Variants in DLG2 observed in about 807,000 individuals in gnomAD.
DLG2 encodes disks large homolog 2.
DLG2 carries 45 observed loss-of-function variants against 132.5 expected under a neutral mutation model. The ratio of observed to expected loss-of-function variants is 0.34; its 90% confidence interval spans 0.27 to 0.44. The LOEUF is 0.44. Ranked by LOEUF, DLG2 falls within the 20% of genes least tolerant of loss-of-function variation. The pLI, the probability that DLG2 is intolerant of heterozygous loss-of-function variation, is 1.00. For missense variants in DLG2, 1,045 were observed against 1,196.9 expected (o/e 0.87, Z 1.87); for synonymous variants, 424 against 419.6 (o/e 1.01, Z -0.13).
intron 3 of DLG2, among the ~76,000 whole-genome samples, chr11:85,501,537 A>C (rs1229875157): frequency 6.6e-6 from 1 of 152,214 alleles, no homozygotes; most frequent in Non-Finnish European, 1.5e-5. Context: ...AAGGGCTAAT[A>C]CCCAGAATCT....
At chr11:83,713,091 A>G (rs2085862820) in intron 18 of DLG2, among the ~76,000 whole-genome samples, 1 of 152,230 alleles carries the variant, frequency 6.6e-6, no homozygotes. Context: ...GCAGATTATC[A>G]TATTAGTTAC....
chr11:85,097,556 G>A (rs1019511954), intron 6 of DLG2, among the ~76,000 whole-genome samples: 1 of 152,168 alleles, frequency 6.6e-6, no homozygotes, highest in African/African-American at 2.4e-5. Context: ...GTTTAACAAA[G>A]GTTGCAATGA....
chr11:84,045,532 AC>A (rs2096223442), intron 11 of DLG2, among the ~76,000 whole-genome samples: 1 of 151,742 alleles, frequency 6.6e-6, no homozygotes, highest in Non-Finnish European at 1.5e-5. Flanking sequence ...CTTGACATGA[AC>A]CAACAAAAAG....
chr11:85,463,989 T>TACACACAC (rs374003945), intron 3 of DLG2, among the ~76,000 whole-genome samples: 134 of 139,410 alleles, frequency 9.6e-4, no homozygotes, highest in African/African-American at 3.2e-3. Context: ...GACATACATG[T>TACACACAC]ACACACACAC....
At chr11:83,571,316 T>C (rs2096792275) in intron 19 of DLG2, among the ~76,000 whole-genome samples, 1 of 150,214 alleles carries the variant, frequency 6.7e-6, no homozygotes, top group Admixed American at 6.8e-5. Context: ...CAAAGAATAA[T>C]ATATTAAGAA....
intron 6 of DLG2, among the ~76,000 whole-genome samples, chr11:85,004,082 G>A (rs2058436218): frequency 6.6e-6 from 1 of 152,132 alleles, no homozygotes; most frequent in Non-Finnish European, 1.5e-5. Flanking sequence ...ACTATTCCAT[G>A]GTCTATATGT....
intron 19 of DLG2, chr11:83,632,942 A>G (rs574981348): frequency 2.4e-4 from 97 of 397,882 alleles, no homozygotes; most frequent in African/African-American, 1.9e-3. Context: ...GTTTCTTCTC[A>G]TTATTTTTAT....
intron 7 of DLG2, among the ~76,000 whole-genome samples, chr11:84,276,696 A>G (rs374709602): frequency 1.3e-5 from 2 of 152,186 alleles, no homozygotes; most frequent in African/African-American, 4.8e-5. Flanking sequence ...ACATCTAAAT[A>G]TGTCACGATG....
Position 83,535,794 on chromosome 11 carries a change from A to G in DLG2, c.2118-3011T>C, listed in dbSNP as rs188303678. Among the ~76,000 whole-genome samples, 8 of 152,326 alleles carry G rather than the reference A, an allele frequency of 5.3e-5. No homozygotes were observed. In the East Asian group the frequency reaches 1.5e-3, roughly 29 times the overall value. The stretch of plus-strand genomic sequence containing the variant: ...TAAGTGGCTGCTGAAGTTGCAACAT[A>G]TAATTATTAATAAAGTTCCTTCACA... On this transcript the variant is annotated intron_variant, in intron 20 of 27. Transcript: ENST00000376104.
intron 6 of DLG2, among the ~76,000 whole-genome samples, chr11:84,666,699 A>G (rs1565605079): frequency 6.6e-6 from 1 of 152,064 alleles, no homozygotes; most frequent in Non-Finnish European, 1.5e-5. Flanking sequence ...TAATTACATA[A>G]ACACATTTTT....
At chr11:83,661,326 A>G (rs1484010983) in intron 18 of DLG2, among the ~76,000 whole-genome samples, 2 of 152,210 alleles carry the variant, frequency 1.3e-5, no homozygotes, top group East Asian at 3.8e-4. Context: ...CTATTTATAT[A>G]GTTGTTATGG....
At chr11:83,850,851 A>G (rs41369951) in intron 16 of DLG2, among the ~76,000 whole-genome samples, 3,473 of 152,262 alleles carry the variant, frequency 0.023, 103 homozygotes, top group East Asian at 0.079. Flanking sequence ...TACACTCTGC[A>G]TTATGTGTTG....
At chr11:84,278,320 G>T (rs2097806032) in intron 7 of DLG2, among the ~76,000 whole-genome samples, 1 of 151,934 alleles carries the variant, frequency 6.6e-6, no homozygotes, top group African/African-American at 2.4e-5. Context: ...AGCTATTAAA[G>T]ATATTTGTAA....
chr11:84,255,030 G>A (rs1016750883), intron 7 of DLG2, among the ~76,000 whole-genome samples: 16 of 152,162 alleles, frequency 1.1e-4, no homozygotes, highest in African/African-American at 2.7e-4. Flanking sequence ...GCTCTCTGAA[G>A]ACTCTCCCAC....
At chr11:85,586,536 T>C (rs1309843071) in intron 3 of DLG2, among the ~76,000 whole-genome samples, 1 of 152,218 alleles carries the variant, frequency 6.6e-6, no homozygotes, top group Non-Finnish European at 1.5e-5. Flanking sequence ...TGTATTTCCG[T>C]GGTATCAGTT....
chr11:83,896,995 C>G (rs1300334299), intron 15 of DLG2, among the ~76,000 whole-genome samples: 1 of 152,148 alleles, frequency 6.6e-6, no homozygotes, highest in Non-Finnish European at 1.5e-5. Context: ...AAGTTTTCAT[C>G]TGATTCCATA....
At position 84,635,767 on chromosome 11, in the gene DLG2, A is replaced by C. The variant is rs182722756; in HGVS notation, c.358-101036T>G. Among the ~76,000 whole-genome samples, 3 of 152,220 alleles carry C rather than the reference A, an allele frequency of 2.0e-5. No individual in the cohort carries two copies. The East Asian group carries it at 5.8e-4, about 29-fold the overall frequency. ...AGATGAGGAAAGTAAAGCTGAGAGA[A>C]GTTAAGAAACCTCCTCCCACCAAGA... On this transcript the variant is annotated intron_variant, in intron 6 of 27. Transcript: ENST00000376104.
intron 7 of DLG2, among the ~76,000 whole-genome samples, chr11:84,414,487 C>T (rs543011166): frequency 6.6e-6 from 1 of 152,272 alleles, no homozygotes; most frequent in Non-Finnish European, 1.5e-5. Context: ...CTTGGACCAT[C>T]TTAATAATAT....
At chr11:83,536,418 T>C (rs1248740973) in intron 20 of DLG2, among the ~76,000 whole-genome samples, 1 of 152,188 alleles carries the variant, frequency 6.6e-6, no homozygotes, top group Admixed American at 6.5e-5. Context: ...CAAACCTCTT[T>C]CCTTGAGAGG....
Sources: allele counts gnomAD v4.1 joint callset (sites outside exome capture counted in the v4.1 genomes callset), GRCh38; gene constraint gnomAD v4.1.1; transcripts MANE v1.5; gene names NCBI Gene and HGNC (gene_info 2026-07-23, HGNC 2026-07-21).